GLG1: variants seen among roughly 807,000 people sequenced by gnomAD.
The protein encoded by GLG1 is golgi glycoprotein 1, also known as Golgi apparatus protein 1.
Under a neutral mutation model 160.5 loss-of-function variants are expected in GLG1, and 38 were observed. The ratio of observed to expected loss-of-function variants is 0.24; its 90% CI spans 0.18 to 0.31. The LOEUF is 0.31. Ranked by LOEUF, GLG1 falls within the 10% of genes least tolerant of loss-of-function variation. The probability of loss-of-function intolerance (pLI) is 1.00; values close to 1 mark genes in which losing one functional copy is unlikely to be tolerated. For synonymous variants in GLG1, 644 were observed against 543.4 expected, an observed-to-expected ratio of 1.19 and a Z score of -2.57; for missense variants, 1,373 against 1,505.2, an observed-to-expected ratio of 0.91 and a Z score of 1.45.
intron 2 of GLG1, among the ~76,000 whole-genome samples, chr16:74,525,028 GT>G (rs1431577255): frequency 6.6e-6 from 1 of 152,072 alleles, no homozygotes; most frequent in African/African-American, 2.4e-5. Flanking sequence ...GCCACATCAT[GT>G]TTTATTTATC....
intron 13 of GLG1, among the ~76,000 whole-genome samples, chr16:74,473,260 C>T (rs572894848): frequency 1.3e-5 from 2 of 151,784 alleles, no homozygotes; most frequent in Admixed American, 6.6e-5. Context: ...GTGGCCCAGG[C>T]GGGAGTGCAA....
chr16:74,494,259 T>C (rs1239444739), intron 6 of GLG1, among the ~76,000 whole-genome samples: 3 of 151,970 alleles, frequency 2.0e-5, no homozygotes, highest in Admixed American at 1.3e-4. Context: ...TATCTAGATA[T>C]CACAATCAGG....
chr16:74,551,198 G>C (rs2018188485), intron 1 of GLG1, among the ~76,000 whole-genome samples: 1 of 152,138 alleles, frequency 6.6e-6, no homozygotes, highest in South Asian at 2.1e-4. Flanking sequence ...TCCTAAATTA[G>C]GTTAATTATA....
At chr16:74,593,053 C>G (rs376032703) in intron 1 of GLG1, among the ~76,000 whole-genome samples, 6 of 152,220 alleles carry the variant, frequency 3.9e-5, no homozygotes, top group African/African-American at 1.4e-4. Context: ...ATTCTCTTGC[C>G]CTTCCACATT....
At position 74,462,631 on chromosome 16, in the gene GLG1, CTA is replaced by C. The variant is rs1196531611; in HGVS notation, c.2792-3_2792-2del. 6.2e-7 allele frequency: 1 copy of C among 1,614,034 alleles called. No individual in the cohort carries two copies. ...CTTAACATGGGGTTTAAGCGGTAAT[CTA>C]GAGTAGAAAGCAGTGAGCATGTGAC... On this transcript the variant is annotated splice_acceptor_variant and splice_polypyrimidine_tract_variant and intron_variant, in intron 20 of 25. Coordinates refer to ENST00000422840, the MANE Select transcript of GLG1 (RefSeq NM_001145667.2). LOFTEE classifies it high-confidence loss of function.
intron 11 of GLG1, among the ~76,000 whole-genome samples, chr16:74,479,107 C>CCCAGCTA (rs2015505729): frequency 7.8e-6 from 1 of 128,710 alleles, no homozygotes; most frequent in Non-Finnish European, 1.6e-5. Flanking sequence ...CACCCGTAAT[C>CCCAGCTA]CCAGCTACTC....
chr16:74,545,595 T>C (rs1337860932), intron 1 of GLG1, among the ~76,000 whole-genome samples: 4 of 152,256 alleles, frequency 2.6e-5, no homozygotes, highest in African/African-American at 4.8e-5. Flanking sequence ...GATATCTATT[T>C]TGAATTTCAT....
Position 74,452,776 on chromosome 16 carries a change from C to A in GLG1, c.*391G>T, listed in dbSNP as rs758481036. ...GCCCAAATCAAGCCTGGAGGAGATGCGTTACTATATACATTTTTTTCTTTA... is the reference window on the plus strand; with the variant it reads ...GCCCAAATCAAGCCTGGAGGAGATGAGTTACTATATACATTTTTTTCTTTA... On this transcript the variant is annotated 3_prime_UTR_variant, in exon 26 of 26. Transcript: ENST00000422840. 5.0e-6 allele frequency: 5 copies of A among 990,898 alleles called. No individual in the cohort carries two copies. Among genetic ancestry groups the A allele is most frequent in the Non-Finnish European group, 6.0e-6 (5 of 832,642 alleles). The allele number at this position is 990,898 out of a possible 1,614,324, so 61.4% of individuals were successfully genotyped here.
At chr16:74,605,664 G>A (rs1215940774) in intron 1 of GLG1, among the ~76,000 whole-genome samples, 1 of 152,006 alleles carries the variant, frequency 6.6e-6, no homozygotes, top group Non-Finnish European at 1.5e-5. Flanking sequence ...ATGAAGGGGG[G>A]AAATGCCAAG....
intron 1 of GLG1, among the ~76,000 whole-genome samples, chr16:74,590,189 C>G (rs971218217): frequency 5.9e-5 from 9 of 151,964 alleles, no homozygotes; most frequent in African/African-American, 2.2e-4. Context: ...TTAGTAGAGA[C>G]AGGATTTCAC....
At chr16:74,468,802 C>A (rs1297896638) in intron 17 of GLG1, 144 bp downstream of exon 17, 1 of 647,448 alleles carries the variant, frequency 1.5e-6, no homozygotes, top group African/African-American at 1.8e-5. Context: ...AGCTAATGGT[C>A]GTATGTTAAA....
In GLG1 at chr16:74,491,227, T is replaced by C. The variant is rs2015972262; in HGVS notation, c.1235-12A>G. ...GCTGACTTGTCGCCCTAAGTTAGGATGTAAGTCATAACATTACGAAGGGTG... is the reference window on the plus strand; with the variant it reads ...GCTGACTTGTCGCCCTAAGTTAGGACGTAAGTCATAACATTACGAAGGGTG... On this transcript the variant is annotated splice_polypyrimidine_tract_variant and intron_variant, in intron 7 of 25. Coordinates refer to ENST00000422840, the MANE Select transcript of GLG1 (RefSeq NM_001145667.2). The C allele has an allele frequency of 6.3e-7, 1 of 1,582,620 alleles. No homozygotes were observed. The highest frequency in any genetic ancestry group is 8.7e-7 in the Non-Finnish European group (1 of 1,151,442).
chr16:74,509,392 T>C (rs935208127), intron 2 of GLG1, among the ~76,000 whole-genome samples: 4 of 152,060 alleles, frequency 2.6e-5, no homozygotes, highest in Non-Finnish European at 5.9e-5. Flanking sequence ...ATAGGTTATA[T>C]GAGCTAAATT....
intron 2 of GLG1, among the ~76,000 whole-genome samples, chr16:74,529,604 C>T (rs922221281): frequency 6.6e-6 from 1 of 151,934 alleles, no homozygotes; most frequent in African/African-American, 2.4e-5. Flanking sequence ...TATCTTCCTG[C>T]TTCTTCTCAT....
intron 1 of GLG1, among the ~76,000 whole-genome samples, chr16:74,553,672 A>G (rs547831005): frequency 6.6e-6 from 1 of 151,772 alleles, no homozygotes; most frequent in Non-Finnish European, 1.5e-5. Context: ...ACGGGGTTTC[A>G]CCATGTTAGC....
At chr16:74,602,548 C>A (rs1958463100) in intron 1 of GLG1, among the ~76,000 whole-genome samples, 1 of 152,190 alleles carries the variant, frequency 6.6e-6, no homozygotes, top group Admixed American at 6.5e-5. Context: ...CTTTGGGAGG[C>A]CGAGGCGGGC....
At chr16:74,554,299 C>T (rs1362483064) in intron 1 of GLG1, among the ~76,000 whole-genome samples, 1 of 152,204 alleles carries the variant, frequency 6.6e-6, no homozygotes, top group East Asian at 1.9e-4. Flanking sequence ...TTTGCGGGGC[C>T]GAGGCGGACG....
At chr16:74,533,468 T>C (rs2017602319) in intron 1 of GLG1, among the ~76,000 whole-genome samples, 1 of 152,016 alleles carries the variant, frequency 6.6e-6, no homozygotes. Flanking sequence ...ACAACTGCAA[T>C]AAAACACACC....
intron 3 of GLG1, among the ~76,000 whole-genome samples, chr16:74,508,135 A>G (rs1400365738): frequency 6.6e-6 from 1 of 152,104 alleles, no homozygotes; most frequent in African/African-American, 2.4e-5. Context: ...CTTCCTTAAG[A>G]GCTCTGAAGA....
Sources: gnomAD v4.1 joint callset for allele counts (sites outside exome capture counted in the v4.1 genomes callset) on GRCh38, gnomAD v4.1.1 for gene constraint, MANE v1.5 for transcripts, NCBI Gene and HGNC (gene_info 2026-07-23, HGNC 2026-07-21) for gene names.